MTM1: variants seen among roughly 807,000 people sequenced by gnomAD.
MTM1 encodes myotubularin 1.
Under a neutral mutation model 52.1 loss-of-function variants are expected in MTM1, and 9 were observed. That is an observed-to-expected ratio of 0.17 (90% CI 0.10 to 0.30). The LOEUF (loss-of-function observed/expected upper bound fraction) is 0.30, where lower values mean the gene tolerates loss of function less well. MTM1 is among the 10% of genes least tolerant of loss of function. The pLI, the probability that MTM1 is intolerant of heterozygous loss-of-function variation, is 1.00. For missense variants in MTM1, 277 were observed against 470.7 expected (o/e 0.59, Z 3.81); for synonymous variants, 136 against 163.8 (o/e 0.83, Z 1.29).
At chrX:150,576,216 T>C (rs1484071770) in intron 1 of MTM1, among the ~76,000 whole-genome samples, 1 of 111,810 alleles carries the variant, frequency 8.9e-6, no homozygotes. Context: ...GCTAGCCTTA[T>C]AAAGTGAGTT....
upstream of MTM1, among the ~76,000 whole-genome samples, chrX:150,566,348 G>A (rs2038262879): frequency 9.0e-6 from 1 of 111,416 alleles, no homozygotes; most frequent in Non-Finnish European, 1.9e-5. Flanking sequence ...ATGTTGGCCA[G>A]GTTGGTTTCG....
chrX:150,638,444 AG>A (rs1557413751), intron 6 of MTM1, among the ~76,000 whole-genome samples: 1 of 111,864 alleles, frequency 8.9e-6, no homozygotes, highest in Non-Finnish European at 1.9e-5. Context: ...CACAGAAACC[AG>A]GGCATTGATT....
Position 150,658,816 on chromosome X carries a change from G to C in MTM1, c.1260+789G>C, listed in dbSNP as rs1186548177. Among the ~76,000 whole-genome samples the C allele has an allele frequency of 1.2e-4, 13 of 111,914 alleles. No individual in the cohort carries two copies. The Admixed American group carries it at 1.2e-3, about 11-fold the overall frequency. ...TTCATAGTGTGAATAACATTTTCAA[G>C]TAGAAAGAATCATTGTGTTTTTTTG... On this transcript the variant is annotated intron_variant, in intron 11 of 14. Coordinates refer to ENST00000370396, the MANE Select transcript of MTM1 (RefSeq NM_000252.3).
Position 150,657,868 on chromosome X carries a change from G to A in MTM1, c.1101G>A (p.Gly367=), listed in dbSNP as rs2148508621. The change falls in exon 11 of 15, where the codon GGG becomes GGA. Residue 367 remains glycine (G), a synonymous_variant. Coordinates refer to ENST00000370396, the MANE Select transcript of MTM1 (RefSeq NM_000252.3). ...AIQVADKVSS[G]KSSVLVHCSD... ...AAGTAGCAGACAAAGTTTCTTCAGGGAAGAGTTCAGTGCTTGTGCATTGCA... is the reference window on the plus strand; with the variant it reads ...AAGTAGCAGACAAAGTTTCTTCAGGAAAGAGTTCAGTGCTTGTGCATTGCA... 1.7e-6 allele frequency: 2 copies of A among 1,211,886 alleles called. No homozygotes were observed. Among genetic ancestry groups the A allele is most frequent in the East Asian group, 5.9e-5 (2 of 33,837 alleles).
intron 14 of MTM1, among the ~76,000 whole-genome samples, chrX:150,664,666 C>T (rs1407155822): frequency 8.8e-6 from 1 of 113,011 alleles, no homozygotes; most frequent in Non-Finnish European, 1.9e-5. Context: ...ATTTATTTAA[C>T]AGTAGTTCTA....
At position 150,660,420 on chromosome X, in the gene MTM1, A is replaced by G; in HGVS notation, c.1403A>G (p.Asp468Gly). ...GAACAATTTTTGATTATAATTTTGG[A>G]TCATCTGTATAGTTGCCGATTTGGT... ...FNEQFLIIIL[D>G]HLYSCRFGTF... The change falls in exon 13 of 15, where the codon GAT becomes GGT. Residue 468 changes from aspartate to glycine, a missense_variant. Coordinates refer to ENST00000370396, the MANE Select transcript of MTM1 (RefSeq NM_000252.3). 5.8e-6 allele frequency: 7 copies of G among 1,204,876 alleles called. No individual in the cohort carries two copies. Among genetic ancestry groups the G allele is most frequent in the Non-Finnish European group, 7.9e-6 (7 of 889,328 alleles).
chrX:150,671,490 G>A lies in MTM1; in HGVS notation c.1707G>A (p.Lys569=). Residue 569 remains lysine, a synonymous_variant, in exon 15 of 15, where the codon AAG becomes AAA. Coordinates refer to ENST00000370396, the MANE Select transcript of MTM1 (RefSeq NM_000252.3). ...ELLALRDEYI[K]RLEELQLANS... Reference sequence around the variant, plus strand: ...TAGCCTTACGCGACGAATACATAAAGCGGCTTGAGGAACTGCAGCTCGCCA... The same window carrying A: ...TAGCCTTACGCGACGAATACATAAAACGGCTTGAGGAACTGCAGCTCGCCA... 1 of 1,211,008 alleles carries A rather than the reference G, an allele frequency of 8.3e-7. No individual in the cohort carries two copies.
chrX:150,643,165 A>G (rs1162372109), intron 8 of MTM1, among the ~76,000 whole-genome samples: 3 of 111,586 alleles, frequency 2.7e-5, no homozygotes, highest in Non-Finnish European at 3.8e-5. Context: ...TGTGCCTTTA[A>G]TGTGAAATCA....
chrX:150,596,642 G>A lies in MTM1; in HGVS notation c.136+72G>A, dbSNP rs1265071707. 9.2e-6 allele frequency: 8 copies of A among 870,598 alleles called. No individual in the cohort carries two copies. In the East Asian group the frequency reaches 9.4e-5, roughly 10 times the overall value. The allele number at this position is 870,598 out of a possible 1,213,427, so 71.7% of individuals were successfully genotyped here. ...GGCAGGATCAGGTGGCTTCAGTCCC[G>A]CTTACTCTTTAGCAGTCAGGCTTAG... On this transcript the variant is annotated intron_variant, in intron 3 of 14. Coordinates refer to ENST00000370396, the MANE Select transcript of MTM1 (RefSeq NM_000252.3).
chrX:150,614,279 G>A (rs782095858), intron 4 of MTM1, among the ~76,000 whole-genome samples: 17 of 112,298 alleles, frequency 1.5e-4, no homozygotes, highest in African/African-American at 5.5e-4. Flanking sequence ...GCAGAATATC[G>A]TGGGAGAGAA....
intron 10 of MTM1, among the ~76,000 whole-genome samples, chrX:150,653,657 C>T (rs1367449422): frequency 1.8e-5 from 2 of 112,139 alleles, no homozygotes; most frequent in Non-Finnish European, 3.8e-5. Flanking sequence ...GAAAGCGGGG[C>T]AAGCCTTTTG....
rs1031560397 is a variant in MTM1, at chrX:150,660,769, T to C, written c.1467+285T>C. ...GAGAGCCTCAGGCTGCTTCCACTCA[T>C]GGCAGAAGGTGAAGGGGAGCCAGTG... On this transcript the variant is annotated intron_variant, in intron 13 of 14. Transcript: ENST00000370396. Among the ~76,000 whole-genome samples the C allele has an allele frequency of 2.1e-4, 23 of 111,465 alleles. No homozygotes were observed. The Admixed American group carries it at 2.1e-3, about 10-fold the overall frequency.
intron 14 of MTM1, among the ~76,000 whole-genome samples, chrX:150,667,180 C>T (rs1346531895): frequency 2.7e-5 from 3 of 111,874 alleles, no homozygotes; most frequent in African/African-American, 9.8e-5. Flanking sequence ...GTGACTGCCA[C>T]CCCACCCCTT....
rs1603208507 is a variant in MTM1, at chrX:150,663,543, C to T, written c.1578C>T (p.Ala526=). ...TCAATCGAGTTTTATATCCAGTTGC[C>T]AGTATGCGTCACTTGGAACTCTGGG... ...KEINRVLYPV[A]SMRHLELWVN... The change falls in exon 14 of 15, where the codon GCC becomes GCT. Residue 526 remains alanine (A), a synonymous_variant. Coordinates refer to ENST00000370396, the MANE Select transcript of MTM1 (RefSeq NM_000252.3). 2.5e-6 allele frequency: 3 copies of T among 1,211,441 alleles called. No individual in the cohort carries two copies. Among genetic ancestry groups the T allele is most frequent in the Non-Finnish European group, 3.4e-6 (3 of 895,325 alleles).
intron 8 of MTM1, among the ~76,000 whole-genome samples, chrX:150,642,082 TG>T (rs1557413867): frequency 1.1e-5 from 1 of 95,187 alleles, no homozygotes; most frequent in Non-Finnish European, 2.2e-5. Context: ...ATAAGTACCT[TG>T]GGGTTTTTTT....
intron 4 of MTM1, among the ~76,000 whole-genome samples, chrX:150,604,101 G>A (rs1487774412): frequency 8.9e-6 from 1 of 111,800 alleles, no homozygotes; most frequent in Non-Finnish European, 1.9e-5. Flanking sequence ...GCCCCAGCGA[G>A]AACAGATTCC....
At chrX:150,630,168 C>T (rs5925396) in intron 6 of MTM1, among the ~76,000 whole-genome samples, 38,401 of 111,083 alleles carry the variant, frequency 0.35, 6,086 homozygotes, top group East Asian at 0.7. Context: ...TCTCAGCTCA[C>T]TGCAACCTCC....
intron 1 of MTM1, among the ~76,000 whole-genome samples, chrX:150,570,711 A>G (rs149396102): frequency 1.8e-5 from 2 of 111,816 alleles, no homozygotes; most frequent in African/African-American, 3.3e-5. Context: ...TTCCTGTGCA[A>G]TGGTTTGTAC....
chrX:150,609,618 G>A lies in MTM1; in HGVS notation c.232-4971G>A, dbSNP rs782479324. ...TCTCAAACCAAGAGTTTCTAAAATC[G>A]GCCGTGTTCATCTTTCTCTAAAACC... On this transcript the variant is annotated intron_variant, in intron 4 of 14. Coordinates refer to ENST00000370396, the MANE Select transcript of MTM1 (RefSeq NM_000252.3). Among the ~76,000 whole-genome samples the A allele has an allele frequency of 1.6e-4, 18 of 111,087 alleles. No homozygotes were observed. In the South Asian group the frequency reaches 4.6e-3, roughly 28 times the overall value.
Sources: gnomAD v4.1 joint callset for allele counts (sites outside exome capture counted in the v4.1 genomes callset) on GRCh38, gnomAD v4.1.1 for gene constraint, MANE v1.5 for transcripts, NCBI Gene and HGNC (gene_info 2026-07-23, HGNC 2026-07-21) for gene names.